Variants in ESRRG observed in about 807,000 individuals in gnomAD.
ESRRG encodes estrogen related receptor gamma, also known as estrogen-related receptor gamma.
In ESRRG, 13 loss-of-function variants were observed where a neutral mutation model predicts 44.0. The ratio of observed to expected loss-of-function variants is 0.30; its 90% CI spans 0.19 to 0.47. ESRRG has a LOEUF of 0.47. Ranked by LOEUF, ESRRG falls within the 20% of genes least tolerant of loss-of-function variation. The pLI is 1.00. For synonymous variants in ESRRG, 215 were observed against 214.6 expected (o/e 1.00, Z -0.02); for missense variants, 395 against 580.6 (o/e 0.68, Z 3.29).
chr1:217,055,022 T>C (rs547261234), intron 1 of ESRRG, among the ~76,000 whole-genome samples: 1 of 152,284 alleles, frequency 6.6e-6, no homozygotes, highest in South Asian at 2.1e-4. Flanking sequence ...TTTAGATGAC[T>C]AGGTGTGCGA....
At chr1:216,780,486 T>C (rs1172890525) in intron 2 of ESRRG, among the ~76,000 whole-genome samples, 1 of 152,016 alleles carries the variant, frequency 6.6e-6, no homozygotes. Context: ...GAGCTAGAAA[T>C]TGCTGAAATG....
chr1:216,972,807 A>G (rs1314394689), intron 1 of ESRRG, among the ~76,000 whole-genome samples: 1 of 152,176 alleles, frequency 6.6e-6, no homozygotes, highest in Non-Finnish European at 1.5e-5. Context: ...AAAGTAAATA[A>G]AAGCTTTTAA....
At chr1:217,005,628 T>G (rs1483745601) in intron 1 of ESRRG, among the ~76,000 whole-genome samples, 14 of 152,024 alleles carry the variant, frequency 9.2e-5, no homozygotes, top group African/African-American at 3.4e-4. Context: ...GTGTTTTAAC[T>G]CCAAAGATAA....
chr1:216,528,509 T>C (rs11572810), intron 5 of ESRRG, among the ~76,000 whole-genome samples: 30,004 of 152,140 alleles, frequency 0.2, 3,711 homozygotes, highest in Non-Finnish European at 0.27. Flanking sequence ...ATTTTGACAA[T>C]ATGTATACAT....
chr1:216,740,836 A>T (rs774110293), intron 2 of ESRRG, among the ~76,000 whole-genome samples: 3 of 152,012 alleles, frequency 2.0e-5, no homozygotes, highest in Non-Finnish European at 4.4e-5. Context: ...GTGCCCCTGT[A>T]TTAAGCTTGA....
intron 3 of ESRRG, among the ~76,000 whole-genome samples, chr1:216,598,870 A>C (rs2058803399): frequency 6.6e-6 from 1 of 152,240 alleles, no homozygotes; most frequent in Non-Finnish European, 1.5e-5. Flanking sequence ...AGAGAAGAGC[A>C]TATGGTATAC....
chr1:216,883,398 A>T (rs200983014), intron 2 of ESRRG, among the ~76,000 whole-genome samples: 1 of 138,592 alleles, frequency 7.2e-6, no homozygotes, highest in African/African-American at 3.0e-5. Context: ...AAAAAAAAAA[A>T]AAAAAAAAAA....
intron 3 of ESRRG, among the ~76,000 whole-genome samples, chr1:216,575,734 T>C (rs1022062318): frequency 3.9e-5 from 6 of 151,958 alleles, no homozygotes. Flanking sequence ...GCCATCAAAG[T>C]CTATTTTTGG....
At chr1:216,693,467 A>G (rs1465402835) in intron 1 of ESRRG, among the ~76,000 whole-genome samples, 1 of 152,142 alleles carries the variant, frequency 6.6e-6, no homozygotes. Flanking sequence ...GTCCCTCAGT[A>G]TCCATGGGGG....
At chr1:217,126,379 C>T (rs374058946) in intron 1 of ESRRG, among the ~76,000 whole-genome samples, 21 of 152,084 alleles carry the variant, frequency 1.4e-4, no homozygotes, top group African/African-American at 4.8e-4. Context: ...TTATATCACG[C>T]CAAGTGGTAC....
intron 3 of ESRRG, among the ~76,000 whole-genome samples, chr1:216,572,983 G>A (rs1017361613): frequency 4.0e-5 from 6 of 151,828 alleles, no homozygotes; most frequent in African/African-American, 1.4e-4. Flanking sequence ...GTCAGATAAA[G>A]AGAAATATAA....
At chr1:216,827,677 A>G (rs1176473771) in intron 2 of ESRRG, among the ~76,000 whole-genome samples, 1 of 152,206 alleles carries the variant, frequency 6.6e-6, no homozygotes, top group Non-Finnish European at 1.5e-5. Context: ...GGTCAAATGT[A>G]CAAATGAAAG....
At chr1:217,134,908 T>G (rs113859981) in intron 1 of ESRRG, among the ~76,000 whole-genome samples, 3 of 152,360 alleles carry the variant, frequency 2.0e-5, no homozygotes, top group African/African-American at 7.2e-5. Flanking sequence ...AAGCGAGTCC[T>G]GGCCGCAGCC....
chr1:216,785,839 C>T (rs931088767), intron 2 of ESRRG, among the ~76,000 whole-genome samples: 7 of 151,996 alleles, frequency 4.6e-5, no homozygotes, highest in African/African-American at 1.4e-4. Flanking sequence ...ATGGAAAATA[C>T]TATAATGAAC....
chr1:216,983,575 T>C (rs1307984955), intron 1 of ESRRG, among the ~76,000 whole-genome samples: 2 of 152,102 alleles, frequency 1.3e-5, no homozygotes, highest in African/African-American at 4.8e-5. Flanking sequence ...TACTTCCTTT[T>C]TCAAAAGCAG....
At chr1:217,074,748 G>T (rs758469256) in intron 1 of ESRRG, among the ~76,000 whole-genome samples, 8 of 152,078 alleles carry the variant, frequency 5.3e-5, no homozygotes, top group Admixed American at 6.6e-5. Context: ...ACTCCAGCCC[G>T]AGCAACAGAG....
chr1:216,609,141 T>C (rs2060295490), intron 3 of ESRRG, among the ~76,000 whole-genome samples: 1 of 152,254 alleles, frequency 6.6e-6, no homozygotes. Context: ...TGCTTGTTAA[T>C]CTATTACACA....
chr1:216,955,853 G>A (rs966902059), intron 1 of ESRRG, among the ~76,000 whole-genome samples: 6 of 152,016 alleles, frequency 3.9e-5, no homozygotes, highest in Non-Finnish European at 8.8e-5. Context: ...CTTCTTTTAA[G>A]AAATCTCTAT....
intron 2 of ESRRG, among the ~76,000 whole-genome samples, chr1:216,798,733 A>G (rs1252337461): frequency 1.3e-5 from 2 of 152,162 alleles, no homozygotes; most frequent in African/African-American, 2.4e-5. Context: ...CAGATTTGAC[A>G]AATAGACTGA....
Sources: allele counts gnomAD v4.1 joint callset (sites outside exome capture counted in the v4.1 genomes callset), GRCh38; gene constraint gnomAD v4.1.1; transcripts MANE v1.5; gene names NCBI Gene and HGNC (gene_info 2026-07-23, HGNC 2026-07-21).